Variants in COL1A2 observed in about 807,000 individuals in gnomAD.
The protein encoded by COL1A2 is collagen alpha-2(I) chain.
COL1A2 carries 49 observed loss-of-function variants against 174.3 expected under a neutral mutation model. The ratio of observed to expected loss-of-function variants is 0.28; its 90% CI spans 0.22 to 0.36. COL1A2 has a LOEUF of 0.36. Ranked by LOEUF, COL1A2 falls within the 10% of genes least tolerant of loss-of-function variation. The pLI is 1.00. For missense variants in COL1A2, 1,438 were observed against 1,822.7 expected (o/e 0.79, Z 3.84); for synonymous variants, 655 against 606.6 (o/e 1.08, Z -1.17).
rs1792349462 is a variant in COL1A2 at position 94,429,223 on chromosome 7, A to C, written c.3747A>C (p.Glu1249Asp). ...EYNVEGVTSK[E>D]MATQLAFMRL... is the part of the protein sequence containing the mutation. ...ATGTAGAAGGAGTGACTTCCAAGGA[A>C]ATGGCTACCCAACTTGCCTTCATGC... The change falls in exon 51 of 52, where the codon GAA becomes GAC. Residue 1249 changes from glutamate to aspartate, a missense_variant. Transcript: ENST00000297268. The C allele has an allele frequency of 5.0e-6, 8 of 1,613,274 alleles. No individual in the cohort carries two copies. The highest frequency in any genetic ancestry group is 6.8e-6 in the Non-Finnish European group (8 of 1,179,364).
At chr7:94,420,065 A>T (rs1792124158) in intron 34 of COL1A2, among the ~76,000 whole-genome samples, 168 bp from the exon 35 acceptor site, 1 of 152,200 alleles carries the variant, frequency 6.6e-6, no homozygotes, top group Non-Finnish European at 1.5e-5. Context: ...CAAAATGAAT[A>T]TAGCATTAAG....
intron 42 of COL1A2, 72 bp from the exon 43 acceptor site, chr7:94,425,538 G>T: frequency 6.8e-7 from 1 of 1,463,214 alleles, no homozygotes; most frequent in Non-Finnish European, 9.6e-7. Flanking sequence ...TGAAGACAGA[G>T]TAGCTACAAC....
In COL1A2 at chr7:94,420,386, C is replaced by A. The variant is rs1216809879; in HGVS notation, c.2134-5C>A. ...ACACATTTTTAAATCCCTTCTCCCA[C>A]CTAGGGTGAACGTGGTGAGGTCGGT... On this transcript the variant is annotated splice_polypyrimidine_tract_variant and splice_region_variant and intron_variant, in intron 35 of 51. Coordinates refer to ENST00000297268, the MANE Select transcript of COL1A2 (RefSeq NM_000089.4). 1 of 1,614,188 alleles carries A rather than the reference C, an allele frequency of 6.2e-7. No individual in the cohort carries two copies. The highest frequency in any genetic ancestry group is 2.2e-5 in the East Asian group (1 of 44,892).
chr7:94,429,826 G>T, intron 51 of COL1A2: 1 of 251,570 alleles, frequency 4.0e-6, no homozygotes, highest in Non-Finnish European at 7.6e-6. Context: ...TATTAGTATG[G>T]CCTACATTTA....
chr7:94,425,938 A>G (rs1055855837), intron 44 of COL1A2, 60 bp from the exon 45 acceptor site: 1 of 1,603,698 alleles, frequency 6.2e-7, no homozygotes, highest in Non-Finnish European at 8.5e-7. Context: ...GGGATGGTGG[A>G]GGAGTGGGGA....
chr7:94,417,863 T>C, intron 32 of COL1A2, 32 bp downstream of exon 32: 1 of 1,524,204 alleles, frequency 6.6e-7, no homozygotes, highest in East Asian at 2.4e-5. Flanking sequence ...ATATTGTTGA[T>C]GAACTCTAGT....
At chr7:94,415,129 T>C in intron 29 of COL1A2, 97 bp from the exon 30 acceptor site, 1 of 1,113,680 alleles carries the variant, frequency 9.0e-7, no homozygotes, top group South Asian at 1.2e-5. Context: ...TACTGCCAGG[T>C]TTATTTCACT....
rs1330894084 is a variant in COL1A2, at chr7:94,424,719, G to A, written c.2673+276G>A. 24 of 485,710 alleles carry A rather than the reference G, an allele frequency of 4.9e-5. No homozygotes were observed. In the Admixed American group the frequency reaches 5.4e-4, roughly 11 times the overall value. The allele number at this position is 485,710 out of a possible 1,614,324, so 30.1% of individuals were successfully genotyped here. A position where few individuals can be genotyped will look rare whatever the true frequency, so the allele number is the denominator to read the frequency against. On this transcript the variant is annotated intron_variant, in intron 41 of 51. Coordinates refer to ENST00000297268, the MANE Select transcript of COL1A2 (RefSeq NM_000089.4). Reference sequence around the variant, plus strand: ...AATCTCTAATTGCGTTTACTCCTCTGCAATATGAAATGCTGGCATCATTTA... The same window carrying A: ...AATCTCTAATTGCGTTTACTCCTCTACAATATGAAATGCTGGCATCATTTA...
chr7:94,405,058 T>A, intron 9 of COL1A2, 141 bp from the exon 10 acceptor site: 1 of 1,089,028 alleles, frequency 9.2e-7, no homozygotes, highest in Non-Finnish European at 1.4e-6. Context: ...AACCTACTTG[T>A]ATTAAGGGAA....
intron 5 of COL1A2, 102 bp from the exon 6 acceptor site, chr7:94,401,465 C>A: frequency 2.2e-6 from 1 of 455,088 alleles, no homozygotes; most frequent in Non-Finnish European, 3.3e-6. Flanking sequence ...TTTTAAATAA[C>A]AACAGAAAAA....
intron 31 of COL1A2, among the ~76,000 whole-genome samples, chr7:94,417,092 A>G (rs781051219): frequency 6.6e-6 from 1 of 152,228 alleles, no homozygotes; most frequent in Admixed American, 6.5e-5. Flanking sequence ...CTCTAGGGGA[A>G]AAAATGTAAA....
Position 94,412,036 on chromosome 7 carries a change from C to G in COL1A2, c.1351-32C>G, listed in dbSNP as rs765881856. On this transcript the variant is annotated intron_variant, in intron 23 of 51. Transcript: ENST00000297268. ...AGGCTTGAGTATGTAAGTTAAAGTGCCAATATAAAAACATCCTCATTTATT... is the reference window on the plus strand; with the variant it reads ...AGGCTTGAGTATGTAAGTTAAAGTGGCAATATAAAAACATCCTCATTTATT... 5.1e-6 allele frequency: 8 copies of G among 1,580,028 alleles called. 1 individual carries two copies. Among genetic ancestry groups the G allele is most frequent in the South Asian group, 4.5e-5 (4 of 88,914 alleles).
intron 38 of COL1A2, chr7:94,421,357 T>C: frequency 2.1e-6 from 1 of 479,388 alleles, no homozygotes; most frequent in East Asian, 4.1e-5. Flanking sequence ...TTCTTCTGCC[T>C]GACCATGTCC....
In COL1A2 at chr7:94,405,251, A is replaced by T. The variant is rs1275993570; in HGVS notation, c.485A>T (p.Gln162Leu). ...RPGERGVVGP[Q>L]GARGFPGTPG... ...GGTGAGAGAGGAGTTGTTGGACCAC[A>T]GGTGAGACTTTTTACATTGGTAGAT... The change falls in exon 10 of 52, where the codon CAG (glutamine) becomes CTG (leucine). Residue 162 changes from glutamine to leucine, a missense_variant and splice_region_variant. Transcript: ENST00000297268. 2 of 1,613,884 alleles carry T rather than the reference A, an allele frequency of 1.2e-6. No homozygotes were observed. Among genetic ancestry groups the T allele is most frequent in the Non-Finnish European group, 1.7e-6 (2 of 1,179,828 alleles).
In COL1A2 at chr7:94,429,417, T is replaced by C. The variant is rs1421507234; in HGVS notation, c.3941T>C (p.Val1314Ala). 7 of 1,613,886 alleles carry C rather than the reference T, an allele frequency of 4.3e-6. No individual in the cohort carries two copies. Among genetic ancestry groups the C allele is most frequent in the Middle Eastern group, 1.6e-4 (1 of 6,084 alleles). ...AGCAGGTTCACTTACACTGTTCTTG[T>C]AGATGGCTGCTCTGTAAGTAATAGT... ...GNSRFTYTVL[V>A]DGCSKKTNEW... is the part of the protein sequence containing the mutation. Residue 1314 changes from valine to alanine, a missense_variant, in exon 51 of 52, where the codon GTA becomes GCA. By Grantham distance (64) the Val-to-Ala change is moderately conservative (BLOSUM62 0). Coordinates refer to ENST00000297268, the MANE Select transcript of COL1A2 (RefSeq NM_000089.4).
intron 51 of COL1A2, chr7:94,429,915 C>A: frequency 2.9e-6 from 1 of 349,182 alleles, no homozygotes; most frequent in Non-Finnish European, 5.3e-6. Flanking sequence ...ACATACCCAC[C>A]CAGGTCCCGC....
intron 25 of COL1A2, 74 bp from the exon 26 acceptor site, chr7:94,413,009 G>A (rs375709344): frequency 5.5e-6 from 8 of 1,442,798 alleles, no homozygotes; most frequent in African/African-American, 1.4e-5. Context: ...ATTCAACATT[G>A]CAAAATCACC....
chr7:94,429,974 A>C, intron 51 of COL1A2: 2 of 491,440 alleles, frequency 4.1e-6, no homozygotes, highest in Non-Finnish European at 7.4e-6. Flanking sequence ...CCTAAAAATG[A>C]CTTTGTAGAG....
At chr7:94,414,469 A>G (rs1040529071) in intron 29 of COL1A2, among the ~76,000 whole-genome samples, 194 bp downstream of exon 29, 1 of 152,234 alleles carries the variant, frequency 6.6e-6, no homozygotes, top group African/African-American at 2.4e-5. Flanking sequence ...ACTTTGTTTT[A>G]CAGATTTAAT....
Sources: gnomAD v4.1 joint callset for allele counts (sites outside exome capture counted in the v4.1 genomes callset) on GRCh38, gnomAD v4.1.1 for gene constraint, MANE v1.5 for transcripts, NCBI Gene and HGNC (gene_info 2026-07-23, HGNC 2026-07-21) for gene names.